SLC25A13: variants seen among roughly 807,000 people sequenced by gnomAD.
SLC25A13 encodes the protein electrogenic aspartate/glutamate antiporter SLC25A13, mitochondrial.
A neutral mutation model predicts 85.5 loss-of-function variants in SLC25A13; 70 were observed. That is an observed-to-expected ratio of 0.82 (90% CI 0.68 to 1.00). The LOEUF (loss-of-function observed/expected upper bound fraction) is 1.00. SLC25A13 is among the 50% of genes least tolerant of loss of function. SLC25A13 has a pLI of 0.00. For missense variants in SLC25A13, 765 were observed against 819.8 expected, an observed-to-expected ratio of 0.93 and a Z score of 0.82; for synonymous variants, 259 against 288.7, an observed-to-expected ratio of 0.90 and a Z score of 1.04.
chr7:96,211,224 C>T (rs895851783), intron 4 of SLC25A13, among the ~76,000 whole-genome samples: 3 of 152,108 alleles, frequency 2.0e-5, no homozygotes, highest in Non-Finnish European at 4.4e-5. Context: ...ACATTTGAAT[C>T]CGAAACTCTA....
Position 96,191,091 on chromosome 7 carries a change from A to G in SLC25A13, c.754+18T>C, listed in dbSNP as rs758572278. 6.2e-7 allele frequency: 1 copy of G among 1,613,842 alleles called. No homozygotes were observed. Among genetic ancestry groups the G allele is most frequent in the South Asian group, 1.1e-5 (1 of 91,082 alleles). On this transcript the variant is annotated intron_variant, in intron 7 of 17. Coordinates refer to ENST00000265631, the MANE Select transcript of SLC25A13 (RefSeq NM_014251.3). ...CCACAATACTTGCAGGCTAGAATTC[A>G]GATATATTCTCACTCACCCTTAGTC...
At chr7:96,125,949 T>A (rs1241777181) in intron 15 of SLC25A13, among the ~76,000 whole-genome samples, 6 of 152,170 alleles carry the variant, frequency 3.9e-5, no homozygotes, top group Non-Finnish European at 8.8e-5. Flanking sequence ...TTAATTATAG[T>A]TCTTAAAAGT....
chr7:96,223,438 T>C (rs1368338379), intron 4 of SLC25A13, among the ~76,000 whole-genome samples: 2 of 152,168 alleles, frequency 1.3e-5, no homozygotes, highest in African/African-American at 2.4e-5. Flanking sequence ...ATTGTATAGA[T>C]CATACTTTGA....
intron 3 of SLC25A13, among the ~76,000 whole-genome samples, chr7:96,272,574 G>C (rs1021090793): frequency 1.3e-5 from 2 of 152,166 alleles, no homozygotes; most frequent in African/African-American, 4.8e-5. Flanking sequence ...TCCAAGGTGA[G>C]CCTGGAACAA....
chr7:96,228,691 G>C (rs144387546), intron 4 of SLC25A13, among the ~76,000 whole-genome samples: 1 of 152,274 alleles, frequency 6.6e-6, no homozygotes, highest in East Asian at 1.9e-4. Context: ...CCCTCTGCTT[G>C]CAGGGAGGTG....
intron 15 of SLC25A13, among the ~76,000 whole-genome samples, chr7:96,129,130 C>A (rs116508563): frequency 6.6e-6 from 1 of 152,128 alleles, no homozygotes; most frequent in African/African-American, 2.4e-5. Context: ...GTCAGTCAAG[C>A]CTGGCTGCTA....
At chr7:96,267,800 C>A (rs77648984) in intron 3 of SLC25A13, among the ~76,000 whole-genome samples, 948 of 121,962 alleles carry the variant, frequency 7.8e-3, no homozygotes, top group Admixed American at 7.9e-3. Context: ...GACTCTGTCT[C>A]AAAAAAAAAA....
intron 15 of SLC25A13, among the ~76,000 whole-genome samples, chr7:96,128,939 G>GCTTGCTCGCTCTCTCTCTCT (rs1554336579): frequency 4.9e-5 from 4 of 81,850 alleles, no homozygotes; most frequent in African/African-American, 1.7e-4. Context: ...TGCCTTGCTT[G>GCTTGCTCGCTCTCTCTCTCT]CTCTCTCTCT....
chr7:96,223,021 T>G (rs1796192051), intron 4 of SLC25A13, among the ~76,000 whole-genome samples: 1 of 152,194 alleles, frequency 6.6e-6, no homozygotes, highest in Admixed American at 6.5e-5. Flanking sequence ...AAAAGCAGCT[T>G]TTATCTTTAA....
intron 11 of SLC25A13, among the ~76,000 whole-genome samples, chr7:96,174,123 T>A (rs1406959973): frequency 1.3e-5 from 2 of 152,166 alleles, no homozygotes; most frequent in Non-Finnish European, 2.9e-5. Flanking sequence ...GGCACACAGG[T>A]GGGAGCGCCT....
At chr7:96,225,600 A>G (rs1440858407) in intron 4 of SLC25A13, among the ~76,000 whole-genome samples, 1 of 151,610 alleles carries the variant, frequency 6.6e-6, no homozygotes, top group Non-Finnish European at 1.5e-5. Flanking sequence ...GTCCCGAGAT[A>G]TGACTCCAGT....
intron 2 of SLC25A13, among the ~76,000 whole-genome samples, chr7:96,291,311 C>G (rs941896017): frequency 2.6e-4 from 39 of 152,114 alleles, no homozygotes; most frequent in Non-Finnish European, 2.8e-4. Flanking sequence ...GCACTAAATG[C>G]CCACAAGAGA....
chr7:96,313,795 A>T (rs75548402), intron 1 of SLC25A13, among the ~76,000 whole-genome samples: 1,874 of 151,532 alleles, frequency 0.012, 38 homozygotes, highest in African/African-American at 0.043. Context: ...ATGTACATTT[A>T]AAAAAAAAGA....
intron 1 of SLC25A13, among the ~76,000 whole-genome samples, chr7:96,308,010 G>A (rs1338544643): frequency 6.6e-6 from 1 of 151,948 alleles, no homozygotes; most frequent in Non-Finnish European, 1.5e-5. Flanking sequence ...AAATTTAGCC[G>A]GGCACGGTGG....
chr7:96,209,353 T>TAC lies in SLC25A13; in HGVS notation c.329-378_329-377dup, dbSNP rs59571646. On this transcript the variant is annotated intron_variant, in intron 4 of 17. Transcript: ENST00000265631. ...TCAATCTTAGTGGCAGGAAAACACA[T>TAC]ACACACACACACACACACACACACA... Among the ~76,000 whole-genome samples, 340 of 145,516 alleles carry TAC rather than the reference T, an allele frequency of 2.3e-3. 5 individuals are homozygous for TAC. The highest frequency in any genetic ancestry group is 5.7e-3 in the South Asian group (26 of 4,562).
intron 13 of SLC25A13, among the ~76,000 whole-genome samples, chr7:96,168,417 T>C (rs1006965566): frequency 1.5e-4 from 23 of 152,078 alleles, no homozygotes; most frequent in African/African-American, 5.6e-4. Flanking sequence ...TGTGTTTAGA[T>C]CAGGTTTGAA....
At chr7:96,227,600 C>T (rs1222092800) in intron 4 of SLC25A13, among the ~76,000 whole-genome samples, 1 of 152,072 alleles carries the variant, frequency 6.6e-6, no homozygotes, top group African/African-American at 2.4e-5. Context: ...AAGAATGGAG[C>T]ATTCAGATAC....
intron 14 of SLC25A13, among the ~76,000 whole-genome samples, chr7:96,146,071 T>A (rs1792774828): frequency 6.6e-6 from 1 of 152,150 alleles, no homozygotes; most frequent in African/African-American, 2.4e-5. Context: ...ATTTCAAGAA[T>A]CATCTAGAAG....
intron 11 of SLC25A13, among the ~76,000 whole-genome samples, chr7:96,175,974 G>A (rs55936919): frequency 0.011 from 1,724 of 152,310 alleles, 34 homozygotes; most frequent in African/African-American, 0.04. Context: ...GGTTAAACAG[G>A]AAAATGAAGG....
Sources: gnomAD v4.1 joint callset for allele counts (sites outside exome capture counted in the v4.1 genomes callset) on GRCh38, gnomAD v4.1.1 for gene constraint, MANE v1.5 for transcripts, NCBI Gene and HGNC (gene_info 2026-07-23, HGNC 2026-07-21) for gene names.